Variants in LRRC8C observed in about 807,000 individuals in gnomAD.
LRRC8C encodes leucine rich repeat containing 8 VRAC subunit C.
LRRC8C carries 20 observed loss-of-function variants against 55.3 expected under a neutral mutation model. The observed-to-expected ratio is 0.36, with a 90% CI of 0.25 to 0.53. LRRC8C has a LOEUF of 0.53. Ranked by LOEUF, LRRC8C falls within the 20% of genes least tolerant of loss-of-function variation. LRRC8C has a pLI of 0.92. For missense variants in LRRC8C, 659 were observed against 951.4 expected, an observed-to-expected ratio of 0.69 and a Z score of 4.04; for synonymous variants, 376 against 360.7, an observed-to-expected ratio of 1.04 and a Z score of -0.48.
chr1:89,663,569 CAAAA>C (rs59206016), intron 1 of LRRC8C, among the ~76,000 whole-genome samples: 1 of 78,106 alleles, frequency 1.3e-5, no homozygotes. Flanking sequence ...GACTCTGTCT[CAAAA>C]AAAAAAAAAA....
At chr1:89,701,332 C>T (rs184553756) in intron 2 of LRRC8C, among the ~76,000 whole-genome samples, 87 of 151,938 alleles carry the variant, frequency 5.7e-4, no homozygotes, top group African/African-American at 1.8e-3. Context: ...AAAAATTAGC[C>T]GGGCGTGGTG....
chr1:89,688,283 C>A (rs566958378), intron 2 of LRRC8C, among the ~76,000 whole-genome samples: 30 of 152,298 alleles, frequency 2.0e-4, no homozygotes, highest in African/African-American at 5.3e-4. Context: ...TGTTGAAGAA[C>A]CTACTGCGTA....
chr1:89,625,722 A>C, the LRRC8C span, among the ~76,000 whole-genome samples: 34 of 152,342 alleles, frequency 2.2e-4, no homozygotes, highest in East Asian at 4.6e-3. Context: ...TACCGTGATA[A>C]GGTTTCCTGA....
intron 2 of LRRC8C, among the ~76,000 whole-genome samples, chr1:89,692,645 G>C (rs1658056397): frequency 6.6e-6 from 1 of 152,182 alleles, no homozygotes; most frequent in Non-Finnish European, 1.5e-5. Flanking sequence ...CATGTATAAA[G>C]AGCATTCCTT....
At chr1:89,708,665 C>T (rs1406207544) in intron 2 of LRRC8C, 1 of 151,612 alleles carries the variant, frequency 6.6e-6, no homozygotes, top group African/African-American at 2.4e-5. Context: ...AATACTGATC[C>T]TTTTCCCAGT....
intron 1 of LRRC8C, among the ~76,000 whole-genome samples, chr1:89,677,212 GT>G (rs1392923605): frequency 1.3e-5 from 2 of 152,140 alleles, no homozygotes; most frequent in African/African-American, 2.4e-5. Context: ...AGAAAAATAG[GT>G]TAAGCTCAAC....
In LRRC8C at chr1:89,673,383, A is replaced by G. The variant is rs576334477; in HGVS notation, c.-4-13087A>G. On this transcript the variant is annotated intron_variant, in intron 1 of 2. Transcript: ENST00000370454. ...TAGGTTTTCAACCGTTTAAAAAAAT[A>G]TATCTGCAAGGTCTAGATATCTTTG... 8.5e-5 allele frequency among the ~76,000 whole-genome samples: 13 copies of G among 152,286 alleles called. No individual in the cohort carries two copies. The South Asian group carries it at 2.7e-3, about 32-fold the overall frequency.
chr1:89,665,274 A>C (rs917191163), intron 1 of LRRC8C, among the ~76,000 whole-genome samples: 1 of 152,190 alleles, frequency 6.6e-6, no homozygotes, highest in African/African-American at 2.4e-5. Context: ...GTTTGTCATA[A>C]ATAGCTCTTA....
chr1:89,696,790 T>C (rs1475345335), intron 2 of LRRC8C, among the ~76,000 whole-genome samples: 1 of 152,146 alleles, frequency 6.6e-6, no homozygotes, highest in Non-Finnish European at 1.5e-5. Context: ...TATCAAGCCC[T>C]CTTTCACCTA....
chr1:89,625,115 C>T, the LRRC8C span: 2 of 152,164 alleles, frequency 1.3e-5, no homozygotes, highest in African/African-American at 4.8e-5. Context: ...TGCCTGTAGA[C>T]AGAATTCCTG....
At chr1:89,686,205 G>A (rs1657878222) in intron 1 of LRRC8C, among the ~76,000 whole-genome samples, 1 of 152,120 alleles carries the variant, frequency 6.6e-6, no homozygotes, top group East Asian at 1.9e-4. Context: ...GAAAGTGTCT[G>A]GCCATGTTCT....
chr1:89,642,250 A>C (rs1464000195), intron 1 of LRRC8C, among the ~76,000 whole-genome samples: 1 of 152,192 alleles, frequency 6.6e-6, no homozygotes, highest in Non-Finnish European at 1.5e-5. Flanking sequence ...GTACTGCCTA[A>C]AAAGTTGAGA....
chr1:89,632,737 G>A (rs1188763284), upstream of LRRC8C: 1 of 152,344 alleles, frequency 6.6e-6, no homozygotes, highest in African/African-American at 2.4e-5. Flanking sequence ...AGGGATGAGG[G>A]GTGGAGGTGG....
At chr1:89,675,256 A>T (rs985042721) in intron 1 of LRRC8C, among the ~76,000 whole-genome samples, 1 of 152,246 alleles carries the variant, frequency 6.6e-6, no homozygotes, top group African/African-American at 2.4e-5. Flanking sequence ...AGCAAGGAAT[A>T]TAAAATAAAA....
At chr1:89,641,566 T>A (rs982806030) in intron 1 of LRRC8C, among the ~76,000 whole-genome samples, 2 of 152,176 alleles carry the variant, frequency 1.3e-5, no homozygotes, top group African/African-American at 4.8e-5. Flanking sequence ...CTTTTTTTTT[T>A]AATAGTCTCT....
chr1:89,640,766 A>G (rs1374044255), intron 1 of LRRC8C, among the ~76,000 whole-genome samples: 1 of 152,150 alleles, frequency 6.6e-6, no homozygotes, highest in Non-Finnish European at 1.5e-5. Context: ...GTGTTTTAGA[A>G]TTTTATCTGA....
chr1:89,699,094 C>T (rs1465120665), intron 2 of LRRC8C, among the ~76,000 whole-genome samples: 2 of 151,960 alleles, frequency 1.3e-5, no homozygotes, highest in African/African-American at 4.8e-5. Context: ...CATGGAGGAA[C>T]ATTAAATGTA....
Position 89,658,862 on chromosome 1 carries a change from G to C in LRRC8C, c.-5+25540G>C, listed in dbSNP as rs144132279. On this transcript the variant is annotated intron_variant, in intron 1 of 2. Coordinates refer to ENST00000370454, the MANE Select transcript of LRRC8C (RefSeq NM_032270.5). ...TTAAAGTTTATAAGCGCCTGACCAA[G>C]AGGCTATAGAGCTAAAAGATTTATA... is the stretch of plus-strand genomic sequence containing the variant. Among the ~76,000 whole-genome samples, 40 of 152,220 alleles carry C rather than the reference G, an allele frequency of 2.6e-4. 1 individual carries two copies. The East Asian group carries it at 7.7e-3, about 29-fold the overall frequency.
intron 2 of LRRC8C, among the ~76,000 whole-genome samples, chr1:89,707,743 A>G (rs1346379580): frequency 6.6e-6 from 1 of 151,976 alleles, no homozygotes; most frequent in Non-Finnish European, 1.5e-5. Context: ...AATAATGAGC[A>G]TATACTCCAG....
Sources: allele counts gnomAD v4.1 joint callset (sites outside exome capture counted in the v4.1 genomes callset), GRCh38; gene constraint gnomAD v4.1.1; transcripts MANE v1.5; gene names NCBI Gene and HGNC (gene_info 2026-07-23, HGNC 2026-07-21).